ZNF609: variants seen among roughly 807,000 people sequenced by gnomAD.
ZNF609 encodes zinc finger protein 609.
In ZNF609, 11 loss-of-function variants were observed where a neutral mutation model predicts 109.5. The observed-to-expected ratio is 0.10, with a 90% CI of 0.06 to 0.17. The LOEUF (loss-of-function observed/expected upper bound fraction) is 0.17. Ranked by LOEUF, ZNF609 falls within the 10% of genes least tolerant of loss-of-function variation. The probability of loss-of-function intolerance (pLI) is 1.00; values close to 1 mark genes in which losing one functional copy is unlikely to be tolerated. For synonymous variants in ZNF609, 646 were observed against 662.0 expected (o/e 0.98, Z 0.37); for missense variants, 1,559 against 1,772.4 (o/e 0.88, Z 2.16).
In ZNF609 at chr15:64,466,221, T is replaced by C. The variant is rs552804080; in HGVS notation, c.-128+5383T>C. The stretch of plus-strand genomic sequence containing the variant: ...TGAAAATTCAGATTTTTTAATAGAT[T>C]ATCATCTTCTGTTAATATGATTTTC... On this transcript the variant is annotated intron_variant, in intron 1 of 9. Transcript: ENST00000326648. Among the ~76,000 whole-genome samples the C allele has an allele frequency of 4.6e-5, 7 of 152,264 alleles. 1 individual carries two copies. In the South Asian group the frequency reaches 1.2e-3, roughly 27 times the overall value.
intron 3 of ZNF609, among the ~76,000 whole-genome samples, chr15:64,666,585 C>T (rs751005821): frequency 4.6e-5 from 7 of 151,948 alleles, no homozygotes; most frequent in Middle Eastern, 3.2e-3. Flanking sequence ...CTCACTGCAA[C>T]ACCTCCTTGA....
intron 3 of ZNF609, among the ~76,000 whole-genome samples, chr15:64,633,973 T>A (rs1213022347): frequency 2.0e-5 from 3 of 152,228 alleles, no homozygotes; most frequent in Non-Finnish European, 4.4e-5. Context: ...TGTTTAATTT[T>A]ATTTAATTTA....
chr15:64,656,713 C>T (rs1032909056), intron 3 of ZNF609, among the ~76,000 whole-genome samples: 4 of 151,554 alleles, frequency 2.6e-5, no homozygotes, highest in African/African-American at 9.7e-5. Context: ...TTCCTCCCTT[C>T]CTTCCTCTTT....
intron 3 of ZNF609, among the ~76,000 whole-genome samples, chr15:64,657,989 G>A (rs1896515551): frequency 6.6e-6 from 1 of 152,020 alleles, no homozygotes; most frequent in Admixed American, 6.6e-5. Flanking sequence ...AATTCAAACT[G>A]GGCAAGCAAA....
chr15:64,668,692 GCCTGTAATC>G (rs1896684543), intron 3 of ZNF609, among the ~76,000 whole-genome samples: 1 of 152,064 alleles, frequency 6.6e-6, no homozygotes, highest in South Asian at 2.1e-4. Flanking sequence ...GGTGGCTCAT[GCCTGTAATC>G]CCAGCACTTT....
In ZNF609 at chr15:64,609,120, CTTTCTTTCT is replaced by C. The variant is rs1567028307; in HGVS notation, c.748-13703_748-13695del. The stretch of plus-strand genomic sequence containing the variant: ...TCTTTCTTTCTTTCTTTCTTTCTTT[CTTTCTTTCT>C]TTTTTTCTTTCTTTTTTTTCTCTCT... On this transcript the variant is annotated intron_variant, in intron 2 of 9. Transcript: ENST00000326648. 4.0e-4 allele frequency among the ~76,000 whole-genome samples: 12 copies of C among 29,950 alleles called. 1 individual carries two copies. The Admixed American group carries it at 5.7e-3, about 14-fold the overall frequency. The allele number at this position is 29,950 out of a possible 152,430, so 19.6% of individuals were successfully genotyped here. A position where few individuals can be genotyped will look rare whatever the true frequency, so the allele number is the denominator to read the frequency against.
intron 2 of ZNF609, among the ~76,000 whole-genome samples, chr15:64,576,044 G>C (rs530956913): frequency 6.6e-6 from 1 of 152,322 alleles, no homozygotes; most frequent in African/African-American, 2.4e-5. Flanking sequence ...GGAGCTTGCA[G>C]TGAGCCGAGA....
chr15:64,569,557 A>G (rs1227632612), intron 2 of ZNF609, among the ~76,000 whole-genome samples: 1 of 152,252 alleles, frequency 6.6e-6, no homozygotes, highest in African/African-American at 2.4e-5. Context: ...AGAAAATCCA[A>G]GCAGGTAGAA....
intron 2 of ZNF609, among the ~76,000 whole-genome samples, chr15:64,591,186 T>C (rs771381329): frequency 2.0e-5 from 3 of 152,076 alleles, no homozygotes; most frequent in Non-Finnish European, 4.4e-5. Context: ...TCCCAGCATT[T>C]TGGGAGACCA....
At position 64,517,927 on chromosome 15, in the gene ZNF609, G is replaced by A. The variant is rs538921577; in HGVS notation, c.747+17761G>A. Among the ~76,000 whole-genome samples, 7 of 151,890 alleles carry A rather than the reference G, an allele frequency of 4.6e-5. No homozygotes were observed. In the South Asian group the frequency reaches 8.3e-4, roughly 18 times the overall value. ...CCCAAGTATCTAGGACTACAGGTGC[G>A]TGCCACCACACCTGACCAATTTTGG... is the stretch of plus-strand genomic sequence containing the variant. On this transcript the variant is annotated intron_variant, in intron 2 of 9. Coordinates refer to ENST00000326648, the MANE Select transcript of ZNF609 (RefSeq NM_015042.2).
At chr15:64,653,564 TGAACCTGG>T (rs748210372) in intron 3 of ZNF609, among the ~76,000 whole-genome samples, 57 of 152,260 alleles carry the variant, frequency 3.7e-4, no homozygotes, top group Non-Finnish European at 7.1e-4. Context: ...GAGAAATGCT[TGAACCTGG>T]GAGGCAGAGG....
At chr15:64,540,008 G>A (rs1367279186) in intron 2 of ZNF609, among the ~76,000 whole-genome samples, 2 of 152,184 alleles carry the variant, frequency 1.3e-5, no homozygotes, top group Non-Finnish European at 1.5e-5. Flanking sequence ...TTGGGCTCAC[G>A]TGATCCTCTT....
At chr15:64,466,762 G>T (rs1893020801) in intron 1 of ZNF609, among the ~76,000 whole-genome samples, 1 of 152,094 alleles carries the variant, frequency 6.6e-6, no homozygotes, top group South Asian at 2.1e-4. Flanking sequence ...AACCACTTAT[G>T]CTTTCCTAGC....
chr15:64,570,660 C>T (rs1410054783), intron 2 of ZNF609, among the ~76,000 whole-genome samples: 4 of 152,096 alleles, frequency 2.6e-5, no homozygotes, highest in Admixed American at 6.5e-5. Context: ...TCTAGAAACT[C>T]GAGATACTAA....
At chr15:64,557,905 C>T (rs1490720369) in intron 2 of ZNF609, among the ~76,000 whole-genome samples, 2 of 152,024 alleles carry the variant, frequency 1.3e-5, no homozygotes, top group Non-Finnish European at 2.9e-5. Flanking sequence ...ACTGTGGTCT[C>T]GATCTCCTGA....
At chr15:64,651,894 G>A (rs1010591121) in intron 3 of ZNF609, among the ~76,000 whole-genome samples, 4 of 151,798 alleles carry the variant, frequency 2.6e-5, no homozygotes, top group African/African-American at 4.8e-5. Flanking sequence ...TTCTATTCAC[G>A]TGTTATGTAT....
At chr15:64,655,241 C>A (rs1044918324) in intron 3 of ZNF609, among the ~76,000 whole-genome samples, 2 of 149,828 alleles carry the variant, frequency 1.3e-5, no homozygotes, top group Admixed American at 1.3e-4. Context: ...GTCGGGAGTT[C>A]GAGACCAGCC....
At chr15:64,562,872 AGTGTGTGTGT>A (rs6145601) in intron 2 of ZNF609, among the ~76,000 whole-genome samples, 113,833 of 148,992 alleles carry the variant, frequency 0.76, 46,606 homozygotes, top group East Asian at 0.92. Context: ...GGTAAGCGTG[AGTGTGTGTGT>A]GTGTGTGTGT....
At chr15:64,531,330 A>G (rs1894057891) in intron 2 of ZNF609, among the ~76,000 whole-genome samples, 2 of 152,208 alleles carry the variant, frequency 1.3e-5, no homozygotes, top group African/African-American at 4.8e-5. Context: ...ATTGCTGAAT[A>G]CAAGATGAGA....
Sources: gnomAD v4.1 joint callset for allele counts (sites outside exome capture counted in the v4.1 genomes callset) on GRCh38, gnomAD v4.1.1 for gene constraint, MANE v1.5 for transcripts, NCBI Gene and HGNC (gene_info 2026-07-23, HGNC 2026-07-21) for gene names.